ATP5F1B: variants seen among roughly 807,000 people sequenced by gnomAD.
The protein encoded by ATP5F1B is ATP synthase F(1) complex subunit beta, mitochondrial.
ATP5F1B carries 17 observed loss-of-function variants against 45.9 expected under a neutral mutation model. The observed-to-expected ratio is 0.37, with a 90% CI of 0.25 to 0.56. The LOEUF is 0.56. ATP5F1B is among the 20% of genes least tolerant of loss of function. The probability of loss-of-function intolerance (pLI) is 0.80; values close to 1 mark genes in which losing one functional copy is unlikely to be tolerated. For missense variants in ATP5F1B, 387 were observed against 673.2 expected (o/e 0.57, Z 4.70); for synonymous variants, 218 against 256.5 (o/e 0.85, Z 1.43).
Position 56,638,289 on chromosome 12 carries a change from C to G in ATP5F1B, c.*34G>C. ...AAAATGAAGCTTTTTGGGTTAGGGG[C>G]AAGGAGAGAGACAGTACAGAGGACA... On this transcript the variant is annotated 3_prime_UTR_variant, in exon 10 of 10. Transcript: ENST00000262030. 1 of 1,573,036 alleles carries G rather than the reference C, an allele frequency of 6.4e-7. No individual in the cohort carries two copies. Among genetic ancestry groups the G allele is most frequent in the Non-Finnish European group, 8.7e-7 (1 of 1,147,228 alleles).
chr12:56,638,467 GA>G, intron 9 of ATP5F1B, 44 bp from the exon 10 acceptor site: 16 of 1,439,356 alleles, frequency 1.1e-5, no homozygotes, highest in Non-Finnish European at 1.6e-5. Context: ...GAAGCGGAGG[GA>G]TATCAACTTT....
At chr12:56,642,149 C>T (rs1290453561) in intron 7 of ATP5F1B, among the ~76,000 whole-genome samples, 1 of 151,998 alleles carries the variant, frequency 6.6e-6, no homozygotes, top group Non-Finnish European at 1.5e-5. Flanking sequence ...GCGCCTGCCA[C>T]AACGCCCAGC....
At position 56,639,386 on chromosome 12, in the gene ATP5F1B, TA is replaced by T. The variant is rs1318980890; in HGVS notation, c.1288-80del. 9.5e-6 allele frequency: 13 copies of T among 1,362,872 alleles called. No individual in the cohort carries two copies. The South Asian group carries it at 1.2e-4, about 13-fold the overall frequency. The allele number at this position is 1,362,872 out of a possible 1,614,324, so 84.4% of individuals were successfully genotyped here. ...AGCTAACAAAGGGAAAGTTACATGC[TA>T]GGGGGCAGAGAAGGTGGTGGTGTTA... On this transcript the variant is annotated intron_variant, in intron 8 of 9. Coordinates refer to ENST00000262030, the MANE Select transcript of ATP5F1B (RefSeq NM_001686.4).
chr12:56,643,229 TG>T (rs968334967), intron 5 of ATP5F1B, 173 bp downstream of exon 5: 4 of 539,920 alleles, frequency 7.4e-6, no homozygotes, highest in African/African-American at 1.9e-5. Flanking sequence ...TATTGGAAGT[TG>T]GGGGGGAAAA....
rs781303553 is a variant in ATP5F1B, at chr12:56,638,294, A to G, written c.*29T>C. On this transcript the variant is annotated 3_prime_UTR_variant, in exon 10 of 10. Coordinates refer to ENST00000262030, the MANE Select transcript of ATP5F1B (RefSeq NM_001686.4). ...GAAGCTTTTTGGGTTAGGGGCAAGGAGAGAGACAGTACAGAGGACAAAGAC... is the reference window on the plus strand; with the variant it reads ...GAAGCTTTTTGGGTTAGGGGCAAGGGGAGAGACAGTACAGAGGACAAAGAC... 6.3e-7 allele frequency: 1 copy of G among 1,586,960 alleles called. No individual in the cohort carries two copies. Among genetic ancestry groups the G allele is most frequent in the African/African-American group, 1.3e-5 (1 of 74,212 alleles).
In ATP5F1B at chr12:56,645,854, G is replaced by A. The variant is rs1326481424; in HGVS notation, c.110C>T (p.Pro37Leu). The A allele has an allele frequency of 6.2e-7, 1 of 1,609,024 alleles. No homozygotes were observed. Among genetic ancestry groups the A allele is most frequent in the Non-Finnish European group, 8.5e-7 (1 of 1,178,020 alleles). The change falls in exon 1 of 10, where the codon CCG becomes CTG. Residue 37 changes from proline to leucine, a missense_variant. Physicochemically the swap from Pro to Leu is moderately conservative, Grantham distance 98 (BLOSUM62 -3). Around this residue, in one of 6 missense-constraint regions of ATP5F1B, gnomAD observed 76 missense variants for 62.0 expected, o/e 1.23. Coordinates refer to ENST00000262030, the MANE Select transcript of ATP5F1B (RefSeq NM_001686.4). The part of the protein sequence containing the change: ...PPAQLLLRAA[P>L]TAVHPVRDYA... ...GCACTTACCAGGATGGACCGCCGTC[G>A]GAGCGGCCCGCAGTAAGAGCTGAGC...
At chr12:56,641,371 A>G (rs1484454232) in intron 7 of ATP5F1B, among the ~76,000 whole-genome samples, 4 of 151,904 alleles carry the variant, frequency 2.6e-5, no homozygotes, top group South Asian at 4.1e-4. Context: ...CTCAAAAAAA[A>G]AAAAAAAAGA....
At chr12:56,638,529 T>G in intron 9 of ATP5F1B, 106 bp from the exon 10 acceptor site, 1 of 828,640 alleles carries the variant, frequency 1.2e-6, no homozygotes, top group South Asian at 1.5e-5. Context: ...TAGAATGTGA[T>G]GAATTCATGT....
intron 5 of ATP5F1B, 71 bp downstream of exon 5, chr12:56,643,332 G>T: frequency 7.5e-7 from 1 of 1,340,068 alleles, no homozygotes; most frequent in Non-Finnish European, 1.0e-6. Context: ...AGAAAATATA[G>T]AACATGGCTT....
chr12:56,644,948 G>A lies in ATP5F1B; in HGVS notation c.318C>T (p.Ser106=). ...VLEVAQHLGE[S]TVRTIAMDGT... The stretch of plus-strand genomic sequence containing the variant: ...CATCCATAGCAATAGTCCTTACTGT[G>A]CTCTCACCTGTTAGATACAGGCATC... Residue 106 remains serine (S), a synonymous_variant, in exon 3 of 10, where the codon AGC becomes AGT. Coordinates refer to ENST00000262030, the MANE Select transcript of ATP5F1B (RefSeq NM_001686.4). The A allele has an allele frequency of 6.2e-7, 1 of 1,614,062 alleles. No individual in the cohort carries two copies. Among genetic ancestry groups the A allele is most frequent in the Non-Finnish European group, 8.5e-7 (1 of 1,179,942 alleles).
Position 56,645,184 on chromosome 12 carries a change from C to T in ATP5F1B, c.297G>A (p.Val99=), listed in dbSNP as rs1592224465. 6.2e-7 allele frequency: 1 copy of T among 1,614,078 alleles called. No homozygotes were observed. The highest frequency in any genetic ancestry group is 8.5e-7 in the Non-Finnish European group (1 of 1,179,902). The change falls in exon 2 of 10, where the codon GTG becomes GTA. Residue 99 remains valine (V), a synonymous_variant. Coordinates refer to ENST00000262030, the MANE Select transcript of ATP5F1B (RefSeq NM_001686.4). ...QGRETRLVLE[V]AQHLGESTVR... Reference sequence around the variant, plus strand: ...AACTCTACTTACCCAAATGCTGGGCCACCTCCAAAACCAGTCTGGTCTCCC... The same window carrying T: ...AACTCTACTTACCCAAATGCTGGGCTACCTCCAAAACCAGTCTGGTCTCCC...
At position 56,644,762 on chromosome 12, in the gene ATP5F1B, TGCAATAA is replaced by T. The variant is rs1951537914; in HGVS notation, c.485+12_485+18del. On this transcript the variant is annotated intron_variant, in intron 3 of 9. Coordinates refer to ENST00000262030, the MANE Select transcript of ATP5F1B (RefSeq NM_001686.4). Reference sequence around the variant, plus strand: ...TAACAGAAGTTCCTTTGTGCATAGATGCAATAAGAGCAACTTACTGTTTGGTTTTGAT... The same window carrying T: ...TAACAGAAGTTCCTTTGTGCATAGATGAGCAACTTACTGTTTGGTTTTGAT... The T allele has an allele frequency of 6.2e-7, 1 of 1,601,324 alleles. No homozygotes were observed. The highest frequency in any genetic ancestry group is 1.3e-5 in the African/African-American group (1 of 74,506).
chr12:56,641,357 C>T (rs1592644351), intron 7 of ATP5F1B, among the ~76,000 whole-genome samples: 1 of 148,678 alleles, frequency 6.7e-6, no homozygotes, highest in Non-Finnish European at 1.5e-5. Flanking sequence ...GAGTGAAACT[C>T]CGTCTCAAAA....
rs770140331 is a variant in ATP5F1B at position 56,645,807 on chromosome 12, G to C, written c.127+30C>G. 1.6e-5 allele frequency: 25 copies of C among 1,601,960 alleles called. 1 individual carries two copies. The African/African-American group carries it at 2.3e-4, about 15-fold the overall frequency. On this transcript the variant is annotated intron_variant, in intron 1 of 9. Coordinates refer to ENST00000262030, the MANE Select transcript of ATP5F1B (RefSeq NM_001686.4). ...CTCAAGGTCATGGGGCGGCAAAATGGAACGTTAGCTCCTAGAGAAAAGCAC... is the reference window on the plus strand; with the variant it reads ...CTCAAGGTCATGGGGCGGCAAAATGCAACGTTAGCTCCTAGAGAAAAGCAC...
chr12:56,640,412 TAG>T (rs1219911747), intron 7 of ATP5F1B, among the ~76,000 whole-genome samples: 1 of 152,034 alleles, frequency 6.6e-6, no homozygotes, highest in African/African-American at 2.4e-5. Flanking sequence ...GTATTTTTAG[TAG>T]AGACGGGGTT....
rs565133572 is a variant in ATP5F1B at position 56,643,715 on chromosome 12, A to G, written c.607+122T>C. 3.2e-6 allele frequency: 5 copies of G among 1,574,802 alleles called. No individual in the cohort carries two copies. The East Asian group carries it at 9.0e-5, about 28-fold the overall frequency. ...AATTGCATCTGGCTTCAGCAAACTC[A>G]GAAGAACGAAAGTCAGAACGTACTC... On this transcript the variant is annotated intron_variant, in intron 4 of 9. Transcript: ENST00000262030.
chr12:56,639,474 T>C (rs569459969), intron 8 of ATP5F1B, 167 bp from the exon 9 acceptor site: 2 of 680,736 alleles, frequency 2.9e-6, no homozygotes, highest in African/African-American at 3.6e-5. Flanking sequence ...TTGGTGCTGT[T>C]AGAAAAATAT....
At chr12:56,641,131 G>A (rs1489129957) in intron 7 of ATP5F1B, among the ~76,000 whole-genome samples, 1 of 152,038 alleles carries the variant, frequency 6.6e-6, no homozygotes. Flanking sequence ...TTGGGAGGCT[G>A]AGTCAGGCAG....
chr12:56,639,042 T>C, intron 9 of ATP5F1B, 64 bp downstream of exon 9: 2 of 1,484,322 alleles, frequency 1.3e-6, no homozygotes, highest in Non-Finnish European at 1.9e-6. Context: ...CATATATTGC[T>C]TGACGGTTGT....
Sources: gnomAD v4.1 joint callset for allele counts (sites outside exome capture counted in the v4.1 genomes callset) on GRCh38, gnomAD v4.1.1 for gene constraint, gnomAD v4.1.1 regional missense constraint, MANE v1.5 for transcripts, NCBI Gene and HGNC (gene_info 2026-07-23, HGNC 2026-07-21) for gene names.